TACC2: variants seen among roughly 807,000 people sequenced by gnomAD.
TACC2 encodes the protein transforming acidic coiled-coil-containing protein 2.
In TACC2, 137 loss-of-function variants were observed where a neutral mutation model predicts 227.3. The observed-to-expected ratio is 0.60, with a 90% CI of 0.52 to 0.69. The LOEUF (loss-of-function observed/expected upper bound fraction) is 0.69. Ranked by LOEUF, TACC2 falls within the 30% of genes least tolerant of loss-of-function variation. The pLI, the probability that TACC2 is intolerant of heterozygous loss-of-function variation, is 0.00. For synonymous variants in TACC2, 1,523 were observed against 1,487.5 expected, an observed-to-expected ratio of 1.02 and a Z score of -0.55; for missense variants, 3,470 against 3,694.4, an observed-to-expected ratio of 0.94 and a Z score of 1.57.
intron 7 of TACC2, among the ~76,000 whole-genome samples, chr10:122,154,817 C>G (rs182923443): frequency 1.2e-4 from 19 of 152,340 alleles, no homozygotes; most frequent in African/African-American, 4.6e-4. Flanking sequence ...CACGCTGACA[C>G]GCTCATTCAC....
intron 10 of TACC2, among the ~76,000 whole-genome samples, 193 bp downstream of exon 10, chr10:122,215,644 T>A (rs148452337): frequency 6.6e-6 from 1 of 152,280 alleles, no homozygotes; most frequent in African/African-American, 2.4e-5. Context: ...GATCAGAGTG[T>A]GTCCCGAGAG....
At chr10:122,081,041 A>G (rs571753065) in intron 3 of TACC2, among the ~76,000 whole-genome samples, 1 of 152,362 alleles carries the variant, frequency 6.6e-6, no homozygotes, top group South Asian at 2.1e-4. Context: ...TGATCATAAC[A>G]AGTATATAGA....
At chr10:122,024,759 T>G (rs143607855) in intron 2 of TACC2, among the ~76,000 whole-genome samples, 1 of 152,354 alleles carries the variant, frequency 6.6e-6, no homozygotes, top group African/African-American at 2.4e-5. Context: ...TTTTTATTGC[T>G]GAATAGTATT....
In TACC2 at chr10:122,085,797, A is replaced by G. The variant is rs1289579921; in HGVS notation, c.3297A>G (p.Lys1099=). Residue 1099 remains lysine, a synonymous_variant, in exon 4 of 23, where the codon AAA becomes AAG. Coordinates refer to ENST00000369005, the MANE Select transcript of TACC2 (RefSeq NM_206862.4). ...AACCAGTGCCGGCCCCGCAGCAGAA[A>G]ATGGAGTGCTGGGCCACTTCGGATG... ...RQQPVPAPQQ[K]MECWATSDAE... The G allele has an allele frequency of 3.1e-6, 5 of 1,613,524 alleles. No homozygotes were observed. The highest frequency in any genetic ancestry group is 4.2e-6 in the Non-Finnish European group (5 of 1,179,730).
intron 2 of TACC2, among the ~76,000 whole-genome samples, chr10:122,039,286 T>G (rs1216275072): frequency 2.0e-5 from 3 of 152,150 alleles, no homozygotes; most frequent in Non-Finnish European, 2.9e-5. Flanking sequence ...CCTGACTCTA[T>G]TTTGAAACCA....
In TACC2 at chr10:121,993,406, C is replaced by T. The variant is rs568300989; in HGVS notation, c.-46+3918C>T. Among the ~76,000 whole-genome samples the T allele has an allele frequency of 1.3e-4, 20 of 152,176 alleles. 1 individual carries two copies. The East Asian group carries it at 3.9e-3, about 29-fold the overall frequency. On this transcript the variant is annotated intron_variant, in intron 1 of 22. Transcript: ENST00000369005. ...TATACATTCACATGAGATAAAATCC[C>T]TAGACTAGAAAAGAAATATGAGAGG...
In TACC2 at chr10:122,086,376, C is replaced by T. The variant is rs1293834161; in HGVS notation, c.3876C>T (p.Ala1292=). ...ASLKLFAGSL[A]PLLQPGAAGG... ...TGAAGCTGTTTGCTGGCTCCCTCGC[C>T]CCCCTGTTGCAACCAGGAGCTGCAG... The change falls in exon 4 of 23, where the codon GCC becomes GCT. Residue 1292 remains alanine, a synonymous_variant. Coordinates refer to ENST00000369005, the MANE Select transcript of TACC2 (RefSeq NM_206862.4). 41 of 1,613,640 alleles carry T rather than the reference C, an allele frequency of 2.5e-5. No individual in the cohort carries two copies. Among genetic ancestry groups the T allele is most frequent in the Non-Finnish European group, 3.5e-5 (41 of 1,180,008 alleles).
chr10:122,082,787 C>G lies in TACC2; in HGVS notation c.287C>G (p.Pro96Arg). The G allele has an allele frequency of 6.2e-7, 1 of 1,613,816 alleles. No individual in the cohort carries two copies. Among genetic ancestry groups the G allele is most frequent in the Non-Finnish European group, 8.5e-7 (1 of 1,179,978 alleles). ...GARGPEGSLL[P>R]SPPPSQEREH... ...AGGGGGCCAGAAGGTTCTTTGCTGC[C>G]CAGCCCACCACCGTCCCAGGAGCGA... The change falls in exon 4 of 23, where the codon CCC (proline) becomes CGC (arginine). Residue 96 changes from proline to arginine, a missense_variant. Physicochemically the swap from Pro to Arg is moderately radical, Grantham distance 103. Around this residue, in one of 10 missense-constraint regions of TACC2, gnomAD observed 405 missense variants for 389.6 expected, o/e 1.04. Coordinates refer to ENST00000369005, the MANE Select transcript of TACC2 (RefSeq NM_206862.4).
In TACC2 at chr10:122,086,253, T is replaced by C. The variant is rs2080085205; in HGVS notation, c.3753T>C (p.Ser1251=). The change falls in exon 4 of 23, where the codon AGT becomes AGC. Residue 1251 remains serine (S), a synonymous_variant. Coordinates refer to ENST00000369005, the MANE Select transcript of TACC2 (RefSeq NM_206862.4). Reference sequence around the variant, plus strand: ...CTGCCCAGAGAGGAGCAGAAGACAGTGGAGTGAAAGCTGTTTCCTCTGCAG... The same window carrying C: ...CTGCCCAGAGAGGAGCAGAAGACAGCGGAGTGAAAGCTGTTTCCTCTGCAG... ...DSAAQRGAED[S]GVKAVSSADP... is the part of the protein sequence containing the mutation. 2 of 1,613,940 alleles carry C rather than the reference T, an allele frequency of 1.2e-6. No homozygotes were observed. Among genetic ancestry groups the C allele is most frequent in the Non-Finnish European group, 1.7e-6 (2 of 1,180,030 alleles).
At chr10:122,231,236 G>A (rs975612113) in intron 16 of TACC2, among the ~76,000 whole-genome samples, 2 of 152,296 alleles carry the variant, frequency 1.3e-5, no homozygotes, top group South Asian at 4.2e-4. Flanking sequence ...CGTGCAGAAC[G>A]TGTGTTTGCC....
At chr10:122,171,839 G>T (rs1383643838) in intron 7 of TACC2, among the ~76,000 whole-genome samples, 1 of 152,212 alleles carries the variant, frequency 6.6e-6, no homozygotes, top group Non-Finnish European at 1.5e-5. Flanking sequence ...GCCTCCTTGG[G>T]CCCTTGGCCA....
chr10:122,117,111 T>A (rs903918354), intron 5 of TACC2, among the ~76,000 whole-genome samples: 6 of 152,012 alleles, frequency 3.9e-5, no homozygotes, highest in African/African-American at 1.4e-4. Flanking sequence ...GCTCACAACA[T>A]TAAATCAAGT....
intron 3 of TACC2, among the ~76,000 whole-genome samples, chr10:122,069,640 A>G (rs1350684828): frequency 2.0e-5 from 3 of 152,166 alleles, no homozygotes; most frequent in Non-Finnish European, 4.4e-5. Flanking sequence ...TGTAGTTAAT[A>G]ATTCCTCATA....
At chr10:122,165,850 C>T (rs1303859862) in intron 7 of TACC2, among the ~76,000 whole-genome samples, 1 of 151,988 alleles carries the variant, frequency 6.6e-6, no homozygotes, top group Non-Finnish European at 1.5e-5. Context: ...CCATTGCTAG[C>T]ATCTGTCCTC....
At chr10:122,203,200 C>T (rs917001618) in intron 8 of TACC2, among the ~76,000 whole-genome samples, 11 of 152,144 alleles carry the variant, frequency 7.2e-5, no homozygotes, top group South Asian at 6.2e-4. Context: ...GGGTGGTGGC[C>T]GGGCAGAGGG....
At position 122,211,606 on chromosome 10, in the gene TACC2, C is replaced by A. The variant is rs116623673; in HGVS notation, c.7181C>A (p.Ser2394Tyr). The A allele has an allele frequency of 5.8e-5, 93 of 1,613,838 alleles. No homozygotes were observed. The African/African-American group carries it at 1.1e-3, about 19-fold the overall frequency. Residue 2394 changes from serine to tyrosine, a missense_variant, in exon 9 of 23, where the codon TCC becomes TAC. Physicochemically the swap from Ser to Tyr is moderately radical, Grantham distance 144 (BLOSUM62 -2). Transcript: ENST00000369005. The part of the protein sequence containing the change: ...SSKTPSSPSK[S>Y]PASFEIPASA... ...AAGACCCCCAGCTCACCTTCTAAAT[C>A]CCCAGCCTCCTTTGAGATCCCAGCC...
intron 3 of TACC2, among the ~76,000 whole-genome samples, chr10:122,063,831 T>TACAC (rs139868618): frequency 0.16 from 23,814 of 146,290 alleles, 1,969 homozygotes; most frequent in Admixed American, 0.24. Context: ...TATTATATAA[T>TACAC]ACACACACAC....
intron 6 of TACC2, among the ~76,000 whole-genome samples, chr10:122,138,827 TC>T (rs1307337357): frequency 5.3e-5 from 8 of 152,190 alleles, no homozygotes; most frequent in Admixed American, 3.3e-4. Flanking sequence ...CACACAAGAT[TC>T]TGTTCTTGTT....
chr10:122,217,797 C>T (rs114436450), intron 11 of TACC2, among the ~76,000 whole-genome samples: 1 of 152,092 alleles, frequency 6.6e-6, no homozygotes, highest in East Asian at 1.9e-4. Flanking sequence ...GAGGGATGAC[C>T]CCATTGCCCT....
Sources: allele counts gnomAD v4.1 joint callset (sites outside exome capture counted in the v4.1 genomes callset), GRCh38; gene constraint gnomAD v4.1.1; regional missense constraint gnomAD v4.1.1; transcripts MANE v1.5; gene names NCBI Gene and HGNC (gene_info 2026-07-23, HGNC 2026-07-21).